MTARC2: variants seen among roughly 807,000 people sequenced by gnomAD.
MTARC2 encodes MOCO sulphurase C-terminal domain containing 2.
MTARC2 carries 27 observed loss-of-function variants against 35.6 expected under a neutral mutation model. The observed-to-expected ratio is 0.76, with a 90% CI of 0.56 to 1.04. The LOEUF (loss-of-function observed/expected upper bound fraction) is 1.04. Ranked by LOEUF, MTARC2 falls within the 50% of genes least tolerant of loss-of-function variation. MTARC2 has a pLI of 0.00. For missense variants in MTARC2, 412 were observed against 432.5 expected, an observed-to-expected ratio of 0.95 and a Z score of 0.42; for synonymous variants, 158 against 167.1, an observed-to-expected ratio of 0.95 and a Z score of 0.42.
intron 4 of MTARC2, among the ~76,000 whole-genome samples, chr1:220,764,424 A>G (rs1671525504): frequency 6.6e-6 from 1 of 152,136 alleles, no homozygotes; most frequent in Non-Finnish European, 1.5e-5. Context: ...GTTCTTTAGG[A>G]TAAACCTTTG....
chr1:220,775,744 AT>A (rs1671886257), intron 4 of MTARC2, among the ~76,000 whole-genome samples: 1 of 152,178 alleles, frequency 6.6e-6, no homozygotes, highest in Non-Finnish European at 1.5e-5. Flanking sequence ...TGTATTCAAC[AT>A]TTAGCCTCTA....
At chr1:220,774,937 A>G (rs1671853367) in intron 4 of MTARC2, among the ~76,000 whole-genome samples, 1 of 145,676 alleles carries the variant, frequency 6.9e-6, no homozygotes, top group African/African-American at 2.7e-5. Flanking sequence ...GTGTGTCTAT[A>G]TAGACCCGTG....
Position 220,758,312 on chromosome 1 carries a change from T to C in MTARC2, c.446+3192T>C, listed in dbSNP as rs74227854. ...ATTTTTTTTAAACTTTCACTGTTAG[T>C]GTTTTGAATCAGCTTTCCCTGTTCA... On this transcript the variant is annotated intron_variant, in intron 2 of 7. Transcript: ENST00000366913. Among the ~76,000 whole-genome samples, 877 of 152,072 alleles carry C rather than the reference T, an allele frequency of 5.8e-3. 9 individuals carry two copies. The East Asian group carries it at 0.061, about 11-fold the overall frequency.
chr1:220,766,193 A>T (rs1462029188), intron 4 of MTARC2, among the ~76,000 whole-genome samples: 1 of 152,226 alleles, frequency 6.6e-6, no homozygotes, highest in East Asian at 1.9e-4. Flanking sequence ...CCTGAAATTT[A>T]TACAATTTGG....
chr1:220,761,339 C>A (rs1005210809), intron 2 of MTARC2, among the ~76,000 whole-genome samples: 1 of 152,222 alleles, frequency 6.6e-6, no homozygotes, highest in Non-Finnish European at 1.5e-5. Context: ...TAAATCCTTA[C>A]GTTCATGGAC....
chr1:220,774,311 G>T (rs1053707120), intron 4 of MTARC2, among the ~76,000 whole-genome samples: 1 of 152,034 alleles, frequency 6.6e-6, no homozygotes, highest in African/African-American at 2.4e-5. Flanking sequence ...CCCGAATAAT[G>T]ATTATTGCAC....
chr1:220,763,777 G>T (rs961436077), intron 4 of MTARC2, among the ~76,000 whole-genome samples: 1 of 152,168 alleles, frequency 6.6e-6, no homozygotes, highest in Non-Finnish European at 1.5e-5. Flanking sequence ...TGGGTGCTAG[G>T]CATTGAGCTA....
chr1:220,770,528 G>C (rs1671714635), intron 4 of MTARC2: 1 of 985,436 alleles, frequency 1.0e-6, no homozygotes. Context: ...TTCAAATACA[G>C]ATGTTGGAGT....
At position 220,748,380 on chromosome 1, in the gene MTARC2, C is replaced by G; in HGVS notation, c.-152C>G. 1 of 767,790 alleles carries G rather than the reference C, an allele frequency of 1.3e-6. No homozygotes were observed. Among genetic ancestry groups the G allele is most frequent in the Non-Finnish European group, 1.8e-6 (1 of 554,752 alleles). The allele number at this position is 767,790 out of a possible 1,614,324, so 47.6% of individuals were successfully genotyped here. A position where few individuals can be genotyped will look rare whatever the true frequency, so the allele number is the denominator to read the frequency against. On this transcript the variant is annotated 5_prime_UTR_variant, in exon 1 of 8. Coordinates refer to ENST00000366913, the MANE Select transcript of MTARC2 (RefSeq NM_017898.5). ...CATTCCCGCTCTCCGCGGAACTGCT[C>G]TGCCGTCTCGGCGGTGAAAGTGTGA...
intron 1 of MTARC2, among the ~76,000 whole-genome samples, chr1:220,750,987 C>A (rs1382243029): frequency 6.6e-6 from 1 of 152,136 alleles, no homozygotes; most frequent in Non-Finnish European, 1.5e-5. Context: ...TCTCTAAAGC[C>A]CCATTTTAAC....
chr1:220,749,751 C>T (rs1483182521), intron 1 of MTARC2, among the ~76,000 whole-genome samples: 5 of 151,986 alleles, frequency 3.3e-5, no homozygotes, highest in Admixed American at 6.6e-5. Flanking sequence ...CTTATCTGGC[C>T]GAGATGGTTT....
intron 4 of MTARC2, among the ~76,000 whole-genome samples, chr1:220,776,944 T>C (rs1449801489): frequency 1.3e-5 from 2 of 152,164 alleles, no homozygotes; most frequent in Non-Finnish European, 2.9e-5. Context: ...AGGGTACCCA[T>C]TGATCCTTAC....
intron 1 of MTARC2, among the ~76,000 whole-genome samples, chr1:220,751,546 C>T (rs1347551724): frequency 2.0e-5 from 3 of 152,180 alleles, no homozygotes; most frequent in Non-Finnish European, 2.9e-5. Flanking sequence ...CTGCCCAATT[C>T]CTGCTGTTTT....
chr1:220,776,845 A>G (rs965094108), intron 4 of MTARC2, among the ~76,000 whole-genome samples: 1 of 152,218 alleles, frequency 6.6e-6, no homozygotes. Flanking sequence ...GGGTCCATTC[A>G]GCACAGCGCG....
At chr1:220,778,989 G>C (rs1671992797) in intron 4 of MTARC2, among the ~76,000 whole-genome samples, 1 of 152,088 alleles carries the variant, frequency 6.6e-6, no homozygotes, top group Admixed American at 6.6e-5. Context: ...AACTCTAATT[G>C]CATCTTCATT....
chr1:220,765,211 G>A (rs1478215890), intron 4 of MTARC2, among the ~76,000 whole-genome samples: 1 of 152,150 alleles, frequency 6.6e-6, no homozygotes, highest in Non-Finnish European at 1.5e-5. Context: ...GTCTTTATGG[G>A]TAAAGGTGAC....
chr1:220,766,292 G>A (rs1325127992), intron 4 of MTARC2, among the ~76,000 whole-genome samples: 5 of 152,172 alleles, frequency 3.3e-5, no homozygotes, highest in Admixed American at 1.3e-4. Flanking sequence ...GAAAGGTTCT[G>A]TGCAAATAAG....
chr1:220,782,771 C>T (rs1672114659), intron 7 of MTARC2, among the ~76,000 whole-genome samples: 1 of 116,884 alleles, frequency 8.6e-6, no homozygotes, highest in South Asian at 2.7e-4. Context: ...ATTAGATAGA[C>T]TTGGGTTTGT....
chr1:220,783,664 C>T (rs969682073), intron 7 of MTARC2, among the ~76,000 whole-genome samples: 10 of 152,162 alleles, frequency 6.6e-5, no homozygotes, highest in South Asian at 4.1e-4. Flanking sequence ...TAATCTTTAT[C>T]TGTGAGAGGA....
Sources: gnomAD v4.1 joint callset for allele counts (sites outside exome capture counted in the v4.1 genomes callset) on GRCh38, gnomAD v4.1.1 for gene constraint, MANE v1.5 for transcripts, NCBI Gene and HGNC (gene_info 2026-07-23, HGNC 2026-07-21) for gene names.